The following NRP1 variants were observed in gnomAD, a reference collection of about 807,000 sequenced individuals.
NRP1 encodes the protein neuropilin-1.
Under a neutral mutation model 106.7 loss-of-function variants are expected in NRP1, and 35 were observed. That is an observed-to-expected ratio of 0.33 (90% CI 0.25 to 0.43). The LOEUF (loss-of-function observed/expected upper bound fraction) is 0.43, where lower values mean the gene tolerates loss of function less well. Among genes scored for constraint, NRP1 ranks in the 20% least tolerant of loss-of-function variants. NRP1 has a pLI of 1.00. For missense variants in NRP1, 1,024 were observed against 1,170.4 expected, an observed-to-expected ratio of 0.87 and a Z score of 1.83; for synonymous variants, 437 against 417.9, an observed-to-expected ratio of 1.05 and a Z score of -0.56.
intron 2 of NRP1, among the ~76,000 whole-genome samples, chr10:33,299,872 T>C (rs1250093176): frequency 6.6e-6 from 1 of 152,218 alleles, no homozygotes; most frequent in African/African-American, 2.4e-5. Flanking sequence ...GCTGCCTTGA[T>C]AGAAGCTGGG....
intron 6 of NRP1, among the ~76,000 whole-genome samples, chr10:33,228,254 C>A (rs906948223): frequency 3.3e-5 from 5 of 152,112 alleles, no homozygotes; most frequent in African/African-American, 1.2e-4. Context: ...TGCCTGTAAT[C>A]CCAACTACTC....
At chr10:33,331,443 A>G (rs547817015) in intron 1 of NRP1, among the ~76,000 whole-genome samples, 1 of 152,332 alleles carries the variant, frequency 6.6e-6, no homozygotes, top group Non-Finnish European at 1.5e-5. Context: ...TGCTCTTGAG[A>G]TCCAAATCAA....
chr10:33,313,189 G>T (rs1055828566), intron 2 of NRP1, among the ~76,000 whole-genome samples: 2 of 152,194 alleles, frequency 1.3e-5, no homozygotes, highest in African/African-American at 4.8e-5. Flanking sequence ...CCAAAACAAG[G>T]TCTAAAACGT....
chr10:33,310,097 G>A (rs7896887), intron 2 of NRP1, among the ~76,000 whole-genome samples: 72,798 of 150,190 alleles, frequency 0.48, 18,260 homozygotes, highest in Admixed American at 0.58. Flanking sequence ...ACAGACGCCC[G>A]CCACCACGCC....
intron 2 of NRP1, among the ~76,000 whole-genome samples, chr10:33,292,819 C>A (rs528069868): frequency 4.6e-5 from 7 of 152,240 alleles, no homozygotes; most frequent in Admixed American, 2.0e-4. Flanking sequence ...GAAACCCTGT[C>A]TCTACTAAAA....
At chr10:33,199,651 AT>A (rs1292547795) in intron 11 of NRP1, among the ~76,000 whole-genome samples, 2 of 151,712 alleles carry the variant, frequency 1.3e-5, no homozygotes, top group Non-Finnish European at 2.9e-5. Context: ...GTTTTTCCTT[AT>A]GTCTATCCAC....
rs1837452527 is a variant in NRP1, at chr10:33,202,888, C to T, written c.1864+3G>A. On this transcript the variant is annotated splice_donor_region_variant and intron_variant, in intron 11 of 16. Coordinates refer to ENST00000374867, the MANE Select transcript of NRP1 (RefSeq NM_003873.7). The stretch of plus-strand genomic sequence containing the variant: ...AGCAATGGGATGAAGATGGTTTCTG[C>T]ACCTGTGAGCTGGAAGTCATCACCT... 6.2e-7 allele frequency: 1 copy of T among 1,614,194 alleles called. No homozygotes were observed. Among genetic ancestry groups the T allele is most frequent in the Non-Finnish European group, 8.5e-7 (1 of 1,180,042 alleles).
At position 33,180,123 on chromosome 10, in the gene NRP1, A is replaced by G. The variant is rs1835586485; in HGVS notation, c.2725T>C (p.Leu909=). The G allele has an allele frequency of 1.2e-6, 2 of 1,614,132 alleles. No individual in the cohort carries two copies. Among genetic ancestry groups the G allele is most frequent in the Non-Finnish European group, 1.7e-6 (2 of 1,180,020 alleles). The part of the protein sequence containing the change: ...YNFELVDGVK[L]KKDKLNTQST... ...TGTGTATTCAGTTTGTCTTTTTTCAACTTCACACCATCCACAAGTTCAAAG... is the reference window on the plus strand; with the variant it reads ...TGTGTATTCAGTTTGTCTTTTTTCAGCTTCACACCATCCACAAGTTCAAAG... The change falls in exon 17 of 17, where the codon TTG becomes CTG. Residue 909 remains leucine (L), a synonymous_variant. Transcript: ENST00000374867.
intron 7 of NRP1, among the ~76,000 whole-genome samples, chr10:33,225,488 G>A (rs1839587391): frequency 6.6e-6 from 1 of 152,198 alleles, no homozygotes; most frequent in Admixed American, 6.5e-5. Context: ...CAGAGCAAGT[G>A]TAACTTCAAA....
intron 2 of NRP1, among the ~76,000 whole-genome samples, chr10:33,317,001 T>C (rs1469670775): frequency 6.6e-6 from 1 of 152,106 alleles, no homozygotes; most frequent in South Asian, 2.1e-4. Flanking sequence ...GACAGAGATA[T>C]ATGAAATGTT....
chr10:33,202,646 T>C, intron 11 of NRP1: 1 of 1,535,330 alleles, frequency 6.5e-7, no homozygotes, highest in Non-Finnish European at 8.8e-7. Context: ...TCAATTAAGA[T>C]AATCCTAGCC....
chr10:33,184,756 G>A (rs182211367), intron 15 of NRP1, among the ~76,000 whole-genome samples: 20 of 151,914 alleles, frequency 1.3e-4, no homozygotes, highest in Admixed American at 3.3e-4. Flanking sequence ...AATTATTGCC[G>A]CTTTAGGGAT....
intron 7 of NRP1, among the ~76,000 whole-genome samples, chr10:33,225,463 T>C (rs1365034197): frequency 6.6e-6 from 1 of 152,250 alleles, no homozygotes; most frequent in Non-Finnish European, 1.5e-5. Context: ...CTCCGAAATC[T>C]TTTGATTAGA....
At chr10:33,332,878 A>AGTGTGTGTGTGTGTGTGT (rs34920873) in intron 1 of NRP1, among the ~76,000 whole-genome samples, 3 of 149,930 alleles carry the variant, frequency 2.0e-5, no homozygotes, top group African/African-American at 7.3e-5. Context: ...AAAACTAAGA[A>AGTGTGTGTGTGTGTGTGT]GTGTGTGTGT....
At chr10:33,191,056 C>T (rs556587043) in intron 13 of NRP1, among the ~76,000 whole-genome samples, 32 of 152,168 alleles carry the variant, frequency 2.1e-4, no homozygotes, top group African/African-American at 7.5e-4. Flanking sequence ...CAGTATCTTG[C>T]TATGTTGCCC....
intron 2 of NRP1, among the ~76,000 whole-genome samples, chr10:33,276,205 A>T (rs1172638574): frequency 6.6e-6 from 1 of 152,218 alleles, no homozygotes; most frequent in Admixed American, 6.5e-5. Context: ...AAAAGCACTA[A>T]CTACCTATAT....
Position 33,263,865 on chromosome 10 carries a change from A to G in NRP1, c.439T>C (p.Cys147Arg), listed in dbSNP as rs764575518. Residue 147 changes from cysteine to arginine, a missense_variant, in exon 4 of 17, where the codon TGT becomes CGT. Around this residue, in one of 5 missense-constraint regions of NRP1, gnomAD observed 279 missense variants for 327.4 expected, o/e 0.85. Transcript: ENST00000374867. ...RYEIFKRGPE[C>R]SQNYTTPSGV... ...CTAGGTGTTGTGTAGTTCTGGGAAC[A>G]TTCAGGACCTATGAGTAGAAGAGAA... is the stretch of plus-strand genomic sequence containing the variant. 1 of 1,606,564 alleles carries G rather than the reference A, an allele frequency of 6.2e-7. No individual in the cohort carries two copies. The highest frequency in any genetic ancestry group is 1.7e-5 in the Admixed American group (1 of 60,002).
intron 6 of NRP1, chr10:33,249,389 C>G (rs767067770): frequency 2.1e-6 from 1 of 487,244 alleles, no homozygotes; most frequent in Non-Finnish European, 4.1e-6. Flanking sequence ...ATTCATAGAT[C>G]ACAGATTGAG....
At chr10:33,330,568 T>C (rs1045909012) in intron 2 of NRP1, 140 bp downstream of exon 2, 10 of 594,488 alleles carry the variant, frequency 1.7e-5, no homozygotes, top group African/African-American at 1.1e-4. Flanking sequence ...TTCCATACCA[T>C]TGACATATAA....
Sources: gnomAD v4.1 joint callset for allele counts (sites outside exome capture counted in the v4.1 genomes callset) on GRCh38, gnomAD v4.1.1 for gene constraint, gnomAD v4.1.1 regional missense constraint, MANE v1.5 for transcripts, NCBI Gene and HGNC (gene_info 2026-07-23, HGNC 2026-07-21) for gene names.